The following USP13 variants were observed in gnomAD, a reference collection of about 807,000 sequenced individuals.
USP13 encodes ubiquitin specific peptidase 13, also known as ubiquitin carboxyl-terminal hydrolase 13.
USP13 carries 68 observed loss-of-function variants against 107.8 expected under a neutral mutation model. The ratio of observed to expected loss-of-function variants is 0.63; its 90% CI spans 0.52 to 0.77. USP13 has a LOEUF of 0.77. Ranked by LOEUF, USP13 falls within the 30% of genes least tolerant of loss-of-function variation. The pLI is 0.00. For synonymous variants in USP13, 377 were observed against 389.5 expected, an observed-to-expected ratio of 0.97 and a Z score of 0.38; for missense variants, 945 against 1,093.3, an observed-to-expected ratio of 0.86 and a Z score of 1.91.
At chr3:179,696,239 C>T (rs904018037) in intron 3 of USP13, among the ~76,000 whole-genome samples, 6 of 151,314 alleles carry the variant, frequency 4.0e-5, no homozygotes, top group East Asian at 3.9e-4. Flanking sequence ...TCAACTTATA[C>T]GTATTTTTTG....
chr3:179,677,845 C>T (rs1711522250), intron 1 of USP13, among the ~76,000 whole-genome samples: 2 of 152,086 alleles, frequency 1.3e-5, no homozygotes, highest in African/African-American at 4.8e-5. Flanking sequence ...ATGTGGCTGT[C>T]AGACTCACTT....
At chr3:179,768,661 C>T (rs190527746) in intron 19 of USP13, among the ~76,000 whole-genome samples, 3 of 152,288 alleles carry the variant, frequency 2.0e-5, no homozygotes, top group East Asian at 3.9e-4. Flanking sequence ...AGTAGCTTCC[C>T]CAGCACTGTG....
In USP13 at chr3:179,784,222, A is replaced by G; in HGVS notation, c.*81A>G. 1 of 1,138,164 alleles carries G rather than the reference A, an allele frequency of 8.8e-7. No individual in the cohort carries two copies. Among genetic ancestry groups the G allele is most frequent in the Non-Finnish European group, 1.3e-6 (1 of 778,342 alleles). 70.5% of individuals were successfully genotyped at this position (1,138,164 alleles called of 1,614,324 possible). ...AAAAAAAAGAAGAAGAAGAAGTTGAAACAACTAGACATGAAGGAATATATG... is the reference window on the plus strand; with the variant it reads ...AAAAAAAAGAAGAAGAAGAAGTTGAGACAACTAGACATGAAGGAATATATG... On this transcript the variant is annotated 3_prime_UTR_variant, in exon 21 of 21. Coordinates refer to ENST00000263966, the MANE Select transcript of USP13 (RefSeq NM_003940.3).
intron 10 of USP13, among the ~76,000 whole-genome samples, chr3:179,737,619 G>A (rs1203763936): frequency 2.0e-5 from 3 of 152,174 alleles, no homozygotes; most frequent in Admixed American, 6.5e-5. Flanking sequence ...AATTAATTGC[G>A]CTTTGGCTAG....
chr3:179,778,935 G>T (rs1450157043), intron 19 of USP13, among the ~76,000 whole-genome samples: 2 of 152,094 alleles, frequency 1.3e-5, no homozygotes, highest in Non-Finnish European at 2.9e-5. Context: ...GTGACATTTG[G>T]ACCTGAGATC....
intron 19 of USP13, among the ~76,000 whole-genome samples, chr3:179,780,326 A>T (rs1021451842): frequency 6.6e-6 from 1 of 152,258 alleles, no homozygotes; most frequent in African/African-American, 2.4e-5. Flanking sequence ...TCATATATAG[A>T]AAGTCCAGAG....
intron 13 of USP13, among the ~76,000 whole-genome samples, chr3:179,748,309 C>T (rs1407887043): frequency 6.6e-6 from 1 of 152,178 alleles, no homozygotes; most frequent in Non-Finnish European, 1.5e-5. Flanking sequence ...TAGAGCCTTG[C>T]TTTTTCTGTA....
chr3:179,730,093 A>G, intron 8 of USP13, 96 bp from the exon 9 acceptor site: 1 of 1,125,968 alleles, frequency 8.9e-7, no homozygotes, highest in Admixed American at 2.1e-5. Flanking sequence ...AGTTTGACAA[A>G]GGGGCAAGAA....
chr3:179,702,656 G>A (rs2300770), intron 4 of USP13, among the ~76,000 whole-genome samples: 49,711 of 152,110 alleles, frequency 0.33, 9,072 homozygotes, highest in African/African-American at 0.49. Context: ...AATTTTGTGT[G>A]TATTTATTTA....
chr3:179,670,679 T>C (rs953372971), intron 1 of USP13, among the ~76,000 whole-genome samples: 5 of 148,408 alleles, frequency 3.4e-5, no homozygotes, highest in African/African-American at 1.3e-4. Flanking sequence ...GGCTCATGCC[T>C]GTAATCCAGC....
intron 1 of USP13, among the ~76,000 whole-genome samples, chr3:179,658,361 C>T (rs1720349546): frequency 6.6e-6 from 1 of 152,206 alleles, no homozygotes; most frequent in African/African-American, 2.4e-5. Flanking sequence ...TGAATGCCTG[C>T]ATTACGTAGA....
chr3:179,730,746 T>C lies in USP13; in HGVS notation c.1254+37T>C, dbSNP rs747338659. ...AGCGTTTGCCATGTTGACATGTAGG[T>C]AGGGAGGAGCTTTAGAATGTGGGTT... On this transcript the variant is annotated intron_variant, in intron 10 of 20. Coordinates refer to ENST00000263966, the MANE Select transcript of USP13 (RefSeq NM_003940.3). 6.9e-6 allele frequency: 11 copies of C among 1,586,846 alleles called. No individual in the cohort carries two copies. In the East Asian group the frequency reaches 2.2e-4, roughly 32 times the overall value.
At chr3:179,777,597 TG>T (rs1715593415) in intron 19 of USP13, among the ~76,000 whole-genome samples, 1 of 151,850 alleles carries the variant, frequency 6.6e-6, no homozygotes, top group Non-Finnish European at 1.5e-5. Flanking sequence ...CGACTACAGG[TG>T]CACGCCACCA....
chr3:179,755,079 G>A (rs896043919), intron 15 of USP13, among the ~76,000 whole-genome samples: 2 of 152,056 alleles, frequency 1.3e-5, no homozygotes, highest in Admixed American at 6.6e-5. Context: ...TGGTTGAAAT[G>A]GACAGTTTTT....
At chr3:179,700,786 C>T (rs1015806893) in intron 3 of USP13, among the ~76,000 whole-genome samples, 4 of 152,184 alleles carry the variant, frequency 2.6e-5, no homozygotes, top group African/African-American at 9.6e-5. Context: ...GCTCAGTCTT[C>T]ATACATCAGT....
intron 8 of USP13, among the ~76,000 whole-genome samples, chr3:179,729,967 A>C (rs1315786311): frequency 2.0e-5 from 3 of 152,222 alleles, no homozygotes; most frequent in Non-Finnish European, 4.4e-5. Context: ...CTTTGGGTGA[A>C]TCTAACTTAC....
intron 6 of USP13, among the ~76,000 whole-genome samples, chr3:179,714,894 AG>A (rs1442086417): frequency 7.7e-6 from 1 of 129,334 alleles, no homozygotes; most frequent in East Asian, 2.2e-4. Flanking sequence ...TGTTTGAGGC[AG>A]GGTCTCACTC....
chr3:179,675,067 C>T (rs1159709460), intron 1 of USP13, among the ~76,000 whole-genome samples: 1 of 150,742 alleles, frequency 6.6e-6, no homozygotes, highest in Admixed American at 6.6e-5. Flanking sequence ...CCCAGCTACT[C>T]GGGAGGCTGA....
intron 1 of USP13, among the ~76,000 whole-genome samples, chr3:179,656,821 TG>T (rs1443740765): frequency 6.6e-6 from 1 of 151,944 alleles, no homozygotes; most frequent in African/African-American, 2.4e-5. Context: ...TCCTGGAGAG[TG>T]GGGACTTTGT....
Sources: gnomAD v4.1 joint callset for allele counts (sites outside exome capture counted in the v4.1 genomes callset) on GRCh38, gnomAD v4.1.1 for gene constraint, MANE v1.5 for transcripts, NCBI Gene and HGNC (gene_info 2026-07-23, HGNC 2026-07-21) for gene names.